RFX2: variants seen among roughly 807,000 people sequenced by gnomAD.
RFX2 encodes the protein DNA-binding protein RFX2.
RFX2 carries 20 observed loss-of-function variants against 87.8 expected under a neutral mutation model. The observed-to-expected ratio is 0.23, with a 90% CI of 0.16 to 0.33. The LOEUF is 0.33. RFX2 is among the 10% of genes least tolerant of loss of function. The pLI is 1.00. For synonymous variants in RFX2, 397 were observed against 431.3 expected, an observed-to-expected ratio of 0.92 and a Z score of 0.98; for missense variants, 767 against 1,012.3, an observed-to-expected ratio of 0.76 and a Z score of 3.29.
At chr19:6,082,681 C>T (rs1415171227) in intron 1 of RFX2, among the ~76,000 whole-genome samples, 1 of 152,172 alleles carries the variant, frequency 6.6e-6, no homozygotes. Context: ...GATCCGCCCA[C>T]TTTGGCCTCC....
chr19:6,046,605 C>CTTTTTTTTTTTTTTT (rs55854937), intron 2 of RFX2, among the ~76,000 whole-genome samples: 1 of 90,564 alleles, frequency 1.1e-5, no homozygotes, highest in Non-Finnish European at 2.3e-5. Context: ...GCCTTTTTGC[C>CTTTTTTTTTTTTTTT]TTTTTTTTTT....
intron 1 of RFX2, among the ~76,000 whole-genome samples, chr19:6,102,168 A>G (rs1384709125): frequency 3.9e-5 from 6 of 152,120 alleles, no homozygotes; most frequent in African/African-American, 1.4e-4. Flanking sequence ...CCTGCAGAAC[A>G]CTATTCTCAA....
At chr19:6,092,802 C>T (rs2144886192) in intron 1 of RFX2, among the ~76,000 whole-genome samples, 1 of 152,210 alleles carries the variant, frequency 6.6e-6, no homozygotes, top group African/African-American at 2.4e-5. Context: ...GTTCAGTGTG[C>T]ATTCTCCTGG....
intron 5 of RFX2, among the ~76,000 whole-genome samples, chr19:6,035,600 C>T (rs766444717): frequency 2.0e-4 from 31 of 152,058 alleles, no homozygotes; most frequent in Non-Finnish European, 3.4e-4. Context: ...TAGGACTAAG[C>T]GAAAGTCCCG....
chr19:6,098,764 G>C (rs1447717128), intron 1 of RFX2, among the ~76,000 whole-genome samples: 4 of 152,064 alleles, frequency 2.6e-5, no homozygotes, highest in Admixed American at 2.6e-4. Flanking sequence ...CTTTTGAGCT[G>C]GGGAACAAAG....
rs368393348 is a variant in RFX2 at position 6,042,121 on chromosome 19, C to T, written c.183G>A (p.Val61=). 2.5e-5 allele frequency: 40 copies of T among 1,613,586 alleles called. No homozygotes were observed. The highest frequency in any genetic ancestry group is 3.2e-5 in the Non-Finnish European group (38 of 1,179,988). The change falls in exon 4 of 18, where the codon GTG becomes GTA. Residue 61 remains valine, a splice_region_variant and synonymous_variant. Transcript: ENST00000303657. The stretch of plus-strand genomic sequence containing the variant: ...CAGGATACACGTGCTGCACCGGCTG[C>T]ACCTGAAACATCGGATACGCTGCGT... The part of the protein sequence containing the change: ...LPRVQQVPQQ[V]QPVQHVYPAQ...
intron 1 of RFX2, among the ~76,000 whole-genome samples, chr19:6,109,024 G>A (rs201164288): frequency 6.6e-6 from 1 of 152,122 alleles, no homozygotes; most frequent in Non-Finnish European, 1.5e-5. Context: ...GTGTGTGTGT[G>A]TGAGTGTGTG....
rs149751625 is a variant in RFX2, at chr19:6,026,522, C to T, written c.523-285G>A. The T allele has an allele frequency of 4.6e-4, 234 of 506,260 alleles. 1 individual carries two copies. Among genetic ancestry groups the T allele is most frequent in the Non-Finnish European group, 5.8e-4 (162 of 280,486 alleles). The allele number at this position is 506,260 out of a possible 1,614,324, so 31.4% of individuals were successfully genotyped here. On this transcript the variant is annotated intron_variant, in intron 5 of 17. Transcript: ENST00000303657. This position sits in a 1 kb window ranked among gnomAD's most constrained non-coding sequence, Gnocchi z 4.5. ...TAAAAACTTGCTACTGAACTTTAACCTGGCATATGTGTGTGCACGCCGTAG... is the reference window on the plus strand; with the variant it reads ...TAAAAACTTGCTACTGAACTTTAACTTGGCATATGTGTGTGCACGCCGTAG...
At chr19:6,032,269 G>C (rs1025879960) in intron 5 of RFX2, among the ~76,000 whole-genome samples, 2 of 151,998 alleles carry the variant, frequency 1.3e-5, no homozygotes, top group African/African-American at 4.8e-5. Flanking sequence ...CTACAGGTGC[G>C]TGCCACCCCG....
At chr19:6,054,748 T>C (rs2087310594) in intron 1 of RFX2, among the ~76,000 whole-genome samples, 1 of 152,316 alleles carries the variant, frequency 6.6e-6, no homozygotes, top group South Asian at 2.1e-4. Context: ...AACATGAACT[T>C]ACTTACACAC....
Position 6,026,323 on chromosome 19 carries a change from G to A in RFX2, c.523-86C>T. 8.7e-7 allele frequency: 1 copy of A among 1,144,346 alleles called. No homozygotes were observed. 70.9% of individuals were successfully genotyped at this position (1,144,346 alleles called of 1,614,324 possible). On this transcript the variant is annotated intron_variant, in intron 5 of 17. Transcript: ENST00000303657. The surrounding 1 kb of genome is among the most constrained non-coding windows in gnomAD (Gnocchi z 4.5). ...AGATGGTTAGCATCAGCCAAGATTTGTTTTTATTAATATCCAAATAATGAT... is the reference window on the plus strand; with the variant it reads ...AGATGGTTAGCATCAGCCAAGATTTATTTTTATTAATATCCAAATAATGAT...
At chr19:6,082,222 A>G (rs1337555220) in intron 1 of RFX2, among the ~76,000 whole-genome samples, 1 of 150,226 alleles carries the variant, frequency 6.7e-6, no homozygotes, top group Non-Finnish European at 1.5e-5. Context: ...TGAACCAAGG[A>G]GGCAGAGGTT....
chr19:6,067,879 GT>G (rs1196802257), intron 1 of RFX2: 2 of 152,184 alleles, frequency 1.3e-5, no homozygotes, highest in Non-Finnish European at 2.9e-5. Context: ...CTCAGCGGAG[GT>G]TTGCCCTTTG....
intron 1 of RFX2, among the ~76,000 whole-genome samples, chr19:6,060,476 A>G (rs1280418196): frequency 6.6e-6 from 1 of 152,216 alleles, no homozygotes; most frequent in African/African-American, 2.4e-5. Flanking sequence ...AGACAAGCTC[A>G]CATCACACCC....
rs1568507994 is a variant in RFX2, at chr19:6,016,608, C to G, written c.598-337G>C. ...GTTTCACCATGTTGCCCAGGCTGGTCTCAAACTACTGACCTCAGGTGATCC... is the reference window on the plus strand; with the variant it reads ...GTTTCACCATGTTGCCCAGGCTGGTGTCAAACTACTGACCTCAGGTGATCC... On this transcript the variant is annotated intron_variant, in intron 6 of 17. Transcript: ENST00000303657. This position sits in a 1 kb window ranked among gnomAD's most constrained non-coding sequence, Gnocchi z 5.4. Among the ~76,000 whole-genome samples the G allele has an allele frequency of 1.3e-5, 2 of 152,174 alleles. No homozygotes were observed. Among genetic ancestry groups the G allele is most frequent in the Admixed American group, 6.5e-5 (1 of 15,274 alleles).
At chr19:6,003,504 A>T (rs1180477461) in intron 13 of RFX2, among the ~76,000 whole-genome samples, 1 of 150,424 alleles carries the variant, frequency 6.6e-6, no homozygotes, top group Non-Finnish European at 1.5e-5. Context: ...TGGCTGGGTG[A>T]GGTGGCTCAC....
At chr19:6,098,586 C>T (rs1469728530) in intron 1 of RFX2, among the ~76,000 whole-genome samples, 3 of 151,972 alleles carry the variant, frequency 2.0e-5, no homozygotes, top group African/African-American at 7.3e-5. Context: ...GTCTGTTCTT[C>T]GTTAAACGTG....
At position 5,993,167 on chromosome 19, in the gene RFX2, G is replaced by A. The variant is rs2086357946; in HGVS notation, c.*1668C>T. Reference sequence around the variant, plus strand: ...ATCGGAAAGACAGGCCAGAGCCTAAGGCAGAAACCAGCTTGTATTGGTTAC... The same window carrying A: ...ATCGGAAAGACAGGCCAGAGCCTAAAGCAGAAACCAGCTTGTATTGGTTAC... On this transcript the variant is annotated 3_prime_UTR_variant, in exon 18 of 18. Coordinates refer to ENST00000303657, the MANE Select transcript of RFX2 (RefSeq NM_000635.4). 6.6e-6 allele frequency: 1 copy of A among 152,268 alleles called. No individual in the cohort carries two copies. The allele number at this position is 152,268 out of a possible 1,614,324, so 9.4% of individuals were successfully genotyped here. A position where few individuals can be genotyped will look rare whatever the true frequency, so the allele number is the denominator to read the frequency against.
chr19:6,076,024 G>A lies in RFX2; in HGVS notation c.-8-28520C>T, dbSNP rs917154715. ...AGCGTCACCCCTTTACTTGGCTTTC[G>A]GAGCTTGGTGTTCACAAAAAATTAG... is the stretch of plus-strand genomic sequence containing the variant. On this transcript the variant is annotated intron_variant, in intron 1 of 17. Transcript: ENST00000303657. Among the ~76,000 whole-genome samples, 13 of 152,220 alleles carry A rather than the reference G, an allele frequency of 8.5e-5. No homozygotes were observed. The East Asian group carries it at 1.2e-3, about 14-fold the overall frequency.
Sources: allele counts gnomAD v4.1 joint callset (sites outside exome capture counted in the v4.1 genomes callset), GRCh38; gene constraint gnomAD v4.1.1; non-coding constraint Gnocchi (gnomAD v3.1); transcripts MANE v1.5; gene names NCBI Gene and HGNC (gene_info 2026-07-23, HGNC 2026-07-21).